The following CLEC4C variants were observed in gnomAD, a reference collection of about 807,000 sequenced individuals.
CLEC4C encodes C-type (calcium dependent, carbohydrate-recognition domain) lectin, superfamily member 11.
CLEC4C carries 17 observed loss-of-function variants against 27.7 expected under a neutral mutation model. The observed-to-expected ratio is 0.61, with a 90% CI of 0.42 to 0.92. The LOEUF (loss-of-function observed/expected upper bound fraction) is 0.92, where lower values mean the gene tolerates loss of function less well. Among genes scored for constraint, CLEC4C ranks in the 40% least tolerant of loss-of-function variants. The pLI is 0.00. For synonymous variants in CLEC4C, 80 were observed against 80.8 expected, an observed-to-expected ratio of 0.99 and a Z score of 0.06; for missense variants, 244 against 257.3, an observed-to-expected ratio of 0.95 and a Z score of 0.35.
upstream of CLEC4C, chr12:7,747,612 A>G: frequency 9.9e-6 from 3 of 302,812 alleles, no homozygotes; most frequent in Non-Finnish European, 1.8e-5. Context: ...AAAACAGTTC[A>G]TGGTTGCAGG....
chr12:7,740,781 A>T (rs920215511), intron 3 of CLEC4C, among the ~76,000 whole-genome samples: 1 of 151,758 alleles, frequency 6.6e-6, no homozygotes, highest in African/African-American at 2.4e-5. Context: ...TTTAATATTG[A>T]TGGGAGCAGG....
At chr12:7,745,621 C>T (rs1181924500) in intron 2 of CLEC4C, among the ~76,000 whole-genome samples, 2 of 151,162 alleles carry the variant, frequency 1.3e-5, no homozygotes, top group Non-Finnish European at 2.9e-5. Flanking sequence ...TTAGTAGAGA[C>T]AGGGTTTCAC....
upstream of CLEC4C, chr12:7,747,439 G>C: frequency 7.3e-7 from 1 of 1,371,082 alleles, no homozygotes; most frequent in Non-Finnish European, 1.0e-6. Context: ...TTCGGGGTGT[G>C]GTTCTTTCAA....
At chr12:7,747,646 T>C (rs1865014481), upstream of CLEC4C, 1 of 318,002 alleles carries the variant, frequency 3.1e-6, no homozygotes, top group Non-Finnish European at 5.6e-6. Flanking sequence ...TTTTTTTTTT[T>C]TTTTTTTTTT....
chr12:7,747,379 T>C (rs1478306126), upstream of CLEC4C: 3 of 1,612,780 alleles, frequency 1.9e-6, no homozygotes, highest in Admixed American at 1.7e-5. Flanking sequence ...GGACTTCCTC[T>C]ATCAGGTGGG....
chr12:7,747,314 T>C lies in CLEC4C; in HGVS notation c.31+4A>G, dbSNP rs1188651263. On this transcript the variant is annotated splice_donor_region_variant and intron_variant, in intron 1 of 5. Coordinates refer to ENST00000360345, the MANE Select transcript of CLEC4C (RefSeq NM_001371390.1). Reference sequence around the variant, plus strand: ...TCCCTAGAACTGAGAAGATGAGTGCTTACCTCGGTCTTGAGGCTCTTCTTC... The same window carrying C: ...TCCCTAGAACTGAGAAGATGAGTGCCTACCTCGGTCTTGAGGCTCTTCTTC... The C allele has an allele frequency of 6.2e-7, 1 of 1,614,090 alleles. No individual in the cohort carries two copies. Among genetic ancestry groups the C allele is most frequent in the East Asian group, 2.2e-5 (1 of 44,882 alleles).
At chr12:7,748,630 C>T (rs1865039275), upstream of CLEC4C, among the ~76,000 whole-genome samples, 1 of 152,100 alleles carries the variant, frequency 6.6e-6, no homozygotes, top group Non-Finnish European at 1.5e-5. Context: ...AACTTAAAGT[C>T]CTGTTTGGTC....
chr12:7,747,377 T>C (rs758320721), upstream of CLEC4C: 2 of 1,613,080 alleles, frequency 1.2e-6, no homozygotes, highest in Non-Finnish European at 1.7e-6. Context: ...TTGGACTTCC[T>C]CTATCAGGTG....
At chr12:7,740,537 T>C (rs1325410009) in intron 3 of CLEC4C, among the ~76,000 whole-genome samples, 1 of 151,418 alleles carries the variant, frequency 6.6e-6, no homozygotes, top group Non-Finnish European at 1.5e-5. Context: ...CCGTCTCTAC[T>C]AAAATACAAA....
At chr12:7,743,284 G>T (rs1864898358) in intron 2 of CLEC4C, among the ~76,000 whole-genome samples, 1 of 152,024 alleles carries the variant, frequency 6.6e-6, no homozygotes, top group South Asian at 2.1e-4. Flanking sequence ...TAACCCTTTG[G>T]AGACATTTAG....
chr12:7,730,194 T>C lies in CLEC4C; in HGVS notation c.498-454A>G, dbSNP rs552265831. ...AATTCCCTGGATCTGCTACTTAGTC[T>C]CTGTTATTTAGTGCAAGTAATTTAA... On this transcript the variant is annotated intron_variant, in intron 5 of 5. Coordinates refer to ENST00000360345, the MANE Select transcript of CLEC4C (RefSeq NM_001371390.1). 2.2e-3 allele frequency among the ~76,000 whole-genome samples: 338 copies of C among 152,276 alleles called. 2 individuals carry two copies. Among genetic ancestry groups the C allele is most frequent in the Non-Finnish European group, 2.5e-3 (170 of 68,022 alleles).
At position 7,730,809 on chromosome 12, in the gene CLEC4C, T is replaced by C. The variant is rs780595672; in HGVS notation, c.485A>G (p.Asn162Ser). The change falls in exon 5 of 6, where the codon AAT (asparagine) becomes AGT (serine). Residue 162 changes from asparagine to serine, a missense_variant. Transcript: ENST00000360345. ...ATTCTATACTCACGTGACATTTTCA[T>C]TGTATGGTGTCTGGTCAACCCATTG... Reference protein sequence around the residue: ...HWQWVDQTPYNENVTFWHSGE... With the variant: ...HWQWVDQTPYSENVTFWHSGE... The C allele has an allele frequency of 3.8e-6, 6 of 1,583,092 alleles. No homozygotes were observed. The South Asian group carries it at 5.5e-5, about 15-fold the overall frequency.
upstream of CLEC4C, among the ~76,000 whole-genome samples, chr12:7,747,801 C>T (rs1865017790): frequency 1.3e-5 from 2 of 150,864 alleles, no homozygotes; most frequent in Admixed American, 1.3e-4. Flanking sequence ...GCCACCATGC[C>T]CAGCTAATTT....
At chr12:7,748,796 T>C (rs1341472729), upstream of CLEC4C, among the ~76,000 whole-genome samples, 1 of 152,038 alleles carries the variant, frequency 6.6e-6, no homozygotes, top group African/African-American at 2.4e-5. Context: ...AAGGCAAAAA[T>C]GAGAAAAATA....
intron 3 of CLEC4C, among the ~76,000 whole-genome samples, chr12:7,739,846 A>ATT (rs56683824): frequency 2.2e-3 from 316 of 141,000 alleles, no homozygotes; most frequent in African/African-American, 6.7e-3. Context: ...TAGCTCGGTA[A>ATT]TTTTTTTTTT....
At position 7,729,670 on chromosome 12, in the gene CLEC4C, C is replaced by T. The variant is rs750418343; in HGVS notation, c.568G>A (p.Glu190Lys). Residue 190 changes from glutamate (E) to lysine (K), a missense_variant, in exon 6 of 6, where the codon GAA becomes AAA. Physicochemically the swap from Glu to Lys is moderately conservative, Grantham distance 56 (BLOSUM62 1). Coordinates refer to ENST00000360345, the MANE Select transcript of CLEC4C (RefSeq NM_001371390.1). ...CAGTGAATGTCATTCCAGCCCCATTCTTCTGAAGAACGGAAATTTATTATC... is the reference window on the plus strand; with the variant it reads ...CAGTGAATGTCATTCCAGCCCCATTTTTCTGAAGAACGGAAATTTATTATC... ...CAIINFRSSE[E>K]WGWNDIHCHV... 1 of 1,613,902 alleles carries T rather than the reference C, an allele frequency of 6.2e-7. No homozygotes were observed. The highest frequency in any genetic ancestry group is 1.7e-5 in the Admixed American group (1 of 60,004).
At chr12:7,742,134 C>T (rs1299507644) in intron 2 of CLEC4C, among the ~76,000 whole-genome samples, 4 of 151,952 alleles carry the variant, frequency 2.6e-5, no homozygotes, top group African/African-American at 9.7e-5. Flanking sequence ...GAGCCGAGAT[C>T]GTGCCATTGC....
rs370178626 is a variant in CLEC4C, at chr12:7,747,291, C to T, written c.31+27G>A. 3.7e-6 allele frequency: 6 copies of T among 1,611,744 alleles called. No individual in the cohort carries two copies. In the African/African-American group the frequency reaches 8.0e-5, roughly 22 times the overall value. On this transcript the variant is annotated intron_variant, in intron 1 of 5. Transcript: ENST00000360345. ...ACTCCATCCTGCTCCTACTACCTTC[C>T]CTAGAACTGAGAAGATGAGTGCTTA...
chr12:7,743,594 T>C (rs1403165387), intron 2 of CLEC4C, among the ~76,000 whole-genome samples: 2 of 152,076 alleles, frequency 1.3e-5, no homozygotes, highest in East Asian at 3.9e-4. Context: ...GGTTTCACCA[T>C]GGTCTCGATC....
Sources: gnomAD v4.1 joint callset for allele counts (sites outside exome capture counted in the v4.1 genomes callset) on GRCh38, gnomAD v4.1.1 for gene constraint, MANE v1.5 for transcripts, NCBI Gene and HGNC (gene_info 2026-07-23, HGNC 2026-07-21) for gene names.